Variants in SPHKAP observed in about 807,000 individuals in gnomAD.
SPHKAP encodes A-kinase anchor protein SPHKAP.
A neutral mutation model predicts 137.5 loss-of-function variants in SPHKAP; 67 were observed. That is an observed-to-expected ratio of 0.49 (90% CI 0.40 to 0.60). The LOEUF (loss-of-function observed/expected upper bound fraction) is 0.60. Ranked by LOEUF, SPHKAP falls within the 20% of genes least tolerant of loss-of-function variation. SPHKAP has a pLI of 0.00. For synonymous variants in SPHKAP, 813 were observed against 785.3 expected, an observed-to-expected ratio of 1.04 and a Z score of -0.59; for missense variants, 2,097 against 2,069.3, an observed-to-expected ratio of 1.01 and a Z score of -0.26.
chr2:228,015,187 T>C (rs927642666), intron 7 of SPHKAP, among the ~76,000 whole-genome samples: 11 of 151,736 alleles, frequency 7.2e-5, no homozygotes, highest in African/African-American at 2.7e-4. Context: ...TTTTTGTCCT[T>C]GCGATAGTTT....
chr2:228,102,639 A>C (rs1171603611), intron 3 of SPHKAP, among the ~76,000 whole-genome samples: 1 of 152,250 alleles, frequency 6.6e-6, no homozygotes, highest in Non-Finnish European at 1.5e-5. Context: ...CCTGCACTCC[A>C]TACAGTATTT....
At chr2:228,174,525 A>C (rs1393549270) in intron 1 of SPHKAP, among the ~76,000 whole-genome samples, 1 of 152,196 alleles carries the variant, frequency 6.6e-6, no homozygotes, top group African/African-American at 2.4e-5. Flanking sequence ...TACATGAGTA[A>C]ACTTTGACAA....
intron 3 of SPHKAP, among the ~76,000 whole-genome samples, chr2:228,033,893 A>C (rs1251255242): frequency 6.6e-6 from 1 of 152,254 alleles, no homozygotes; most frequent in South Asian, 2.1e-4. Context: ...TGTAGAGGGA[A>C]ATTTATACCA....
intron 3 of SPHKAP, among the ~76,000 whole-genome samples, chr2:228,061,147 T>C (rs1174800866): frequency 2.0e-5 from 3 of 152,236 alleles, no homozygotes; most frequent in African/African-American, 7.2e-5. Flanking sequence ...TTGGGGATAA[T>C]AACAGCAGAT....
intron 3 of SPHKAP, among the ~76,000 whole-genome samples, chr2:228,072,766 G>C (rs1697044350): frequency 6.6e-6 from 1 of 152,224 alleles, no homozygotes; most frequent in Non-Finnish European, 1.5e-5. Flanking sequence ...AAGAGACAGA[G>C]AGAGATGCCT....
At position 228,103,717 on chromosome 2, in the gene SPHKAP, T is replaced by C. The variant is rs146171232; in HGVS notation, c.246+5115A>G. Among the ~76,000 whole-genome samples, 944 of 152,298 alleles carry C rather than the reference T, an allele frequency of 6.2e-3. 15 individuals carry two copies. The highest frequency in any genetic ancestry group is 0.021 in the African/African-American group (885 of 41,564). ...GATGACTTCTGCCATTAGCATTTGA[T>C]AGGTTCTTACTTTTCTACAGACAGC... On this transcript the variant is annotated intron_variant, in intron 3 of 11. Coordinates refer to ENST00000392056, the MANE Select transcript of SPHKAP (RefSeq NM_001142644.2).
chr2:227,994,399 AT>A (rs1215068554), intron 8 of SPHKAP, among the ~76,000 whole-genome samples: 1 of 152,208 alleles, frequency 6.6e-6, no homozygotes, highest in Non-Finnish European at 1.5e-5. Context: ...TGCTTGTGAA[AT>A]GAAATATATC....
At chr2:228,063,293 T>C (rs1222806500) in intron 3 of SPHKAP, among the ~76,000 whole-genome samples, 2 of 152,138 alleles carry the variant, frequency 1.3e-5, no homozygotes, top group Non-Finnish European at 2.9e-5. Flanking sequence ...TTTTTGGTGT[T>C]GATGTCAACT....
At chr2:228,051,089 G>A (rs1375481256) in intron 3 of SPHKAP, among the ~76,000 whole-genome samples, 1 of 152,060 alleles carries the variant, frequency 6.6e-6, no homozygotes, top group African/African-American at 2.4e-5. Flanking sequence ...ATAGGTATGA[G>A]CCACTGCACC....
chr2:228,146,235 C>T (rs1043146316), intron 1 of SPHKAP, among the ~76,000 whole-genome samples: 5 of 152,106 alleles, frequency 3.3e-5, no homozygotes, highest in Admixed American at 6.6e-5. Context: ...TTTGTTACAA[C>T]GGATGAACAC....
At chr2:228,157,793 G>A (rs551060373) in intron 1 of SPHKAP, among the ~76,000 whole-genome samples, 18 of 152,120 alleles carry the variant, frequency 1.2e-4, no homozygotes, top group Non-Finnish European at 2.2e-4. Flanking sequence ...GTAAAACATG[G>A]AGGGCAAAAT....
intron 1 of SPHKAP, among the ~76,000 whole-genome samples, chr2:228,177,762 T>C (rs1365666026): frequency 6.6e-6 from 1 of 152,172 alleles, no homozygotes; most frequent in Non-Finnish European, 1.5e-5. Context: ...TGCATTAAAC[T>C]TTAGATTGGT....
rs577973778 is a variant in SPHKAP, at chr2:228,017,552, C to T, written c.3302G>A (p.Gly1101Asp). 6.2e-7 allele frequency: 1 copy of T among 1,613,332 alleles called. No individual in the cohort carries two copies. Among genetic ancestry groups the T allele is most frequent in the Admixed American group, 1.7e-5 (1 of 59,982 alleles). The part of the protein sequence containing the change: ...SEARAYVNSL[G>D]LMSTLSQPVS... ...CGGCTGGCTCAGCGTGCTCATTAAGCCCAGGCTGTTGACATAGGCCCTGGC... is the reference window on the plus strand; with the variant it reads ...CGGCTGGCTCAGCGTGCTCATTAAGTCCAGGCTGTTGACATAGGCCCTGGC... The change falls in exon 7 of 12, where the codon GGC becomes GAC. Residue 1101 changes from glycine (G) to aspartate (D), a missense_variant. Coordinates refer to ENST00000392056, the MANE Select transcript of SPHKAP (RefSeq NM_001142644.2).
chr2:227,991,939 G>A (rs1177493862), intron 9 of SPHKAP: 1 of 168,764 alleles, frequency 5.9e-6, no homozygotes, highest in Non-Finnish European at 1.2e-5. Context: ...GTAGCAGGCT[G>A]GGTGGTTTAG....
intron 2 of SPHKAP, among the ~76,000 whole-genome samples, chr2:228,113,089 A>C (rs891159587): frequency 6.6e-6 from 1 of 152,162 alleles, no homozygotes; most frequent in African/African-American, 2.4e-5. Context: ...TTGTTTGGTG[A>C]GAATATTCAT....
At chr2:227,996,094 C>T (rs1693632342) in intron 7 of SPHKAP, 1 of 982,480 alleles carries the variant, frequency 1.0e-6, no homozygotes, top group Non-Finnish European at 1.2e-6. Flanking sequence ...TCAATCACTC[C>T]TGGTTGATTC....
chr2:228,157,895 C>T (rs10200615), intron 1 of SPHKAP, among the ~76,000 whole-genome samples: 1 of 152,028 alleles, frequency 6.6e-6, no homozygotes, highest in African/African-American at 2.4e-5. Flanking sequence ...AAAATGTCAC[C>T]AAGGAAACAA....
chr2:227,995,724 G>A (rs780738464), intron 7 of SPHKAP, 30 bp from the exon 8 acceptor site: 6 of 1,524,070 alleles, frequency 3.9e-6, no homozygotes, highest in Non-Finnish European at 2.6e-6. Flanking sequence ...ATTACCAAGA[G>A]AGGCAGCACA....
At position 227,993,589 on chromosome 2, in the gene SPHKAP, C is replaced by T. The variant is rs985203763; in HGVS notation, c.4666G>A (p.Gly1556Ser). 1.2e-6 allele frequency: 2 copies of T among 1,602,444 alleles called. No homozygotes were observed. The highest frequency in any genetic ancestry group is 1.7e-5 in the Admixed American group (1 of 58,504). Residue 1556 changes from glycine (G) to serine (S), a missense_variant, in exon 9 of 12, where the codon GGC (glycine) becomes AGC (serine). Gly to Ser is a moderately conservative substitution (Grantham distance 56, BLOSUM62 0). Transcript: ENST00000392056. Reference protein sequence around the residue: ...NGNSSATSSLGIMDLDIYQES... With the variant: ...NGNSSATSSLSIMDLDIYQES... ...TGATAAATGTCCAGATCCATAATGCCAAGACTGCTAGTGGCACTACTGTTG... is the reference window on the plus strand; with the variant it reads ...TGATAAATGTCCAGATCCATAATGCTAAGACTGCTAGTGGCACTACTGTTG...
Sources: allele counts gnomAD v4.1 joint callset (sites outside exome capture counted in the v4.1 genomes callset), GRCh38; gene constraint gnomAD v4.1.1; transcripts MANE v1.5; gene names NCBI Gene and HGNC (gene_info 2026-07-23, HGNC 2026-07-21).